The following ZNF385D variants were observed in gnomAD, a reference collection of about 807,000 sequenced individuals.
The protein encoded by ZNF385D is zinc finger protein 385D.
In ZNF385D, 15 loss-of-function variants were observed where a neutral mutation model predicts 35.8. That is an observed-to-expected ratio of 0.42 (90% CI 0.28 to 0.64). The LOEUF (loss-of-function observed/expected upper bound fraction) is 0.64, where lower values mean the gene tolerates loss of function less well. Ranked by LOEUF, ZNF385D falls within the 30% of genes least tolerant of loss-of-function variation. ZNF385D has a pLI of 0.23. For synonymous variants in ZNF385D, 212 were observed against 186.8 expected, an observed-to-expected ratio of 1.13 and a Z score of -1.10; for missense variants, 474 against 494.6, an observed-to-expected ratio of 0.96 and a Z score of 0.39.
chr3:21,737,203 G>C (rs1215902849), intron 1 of ZNF385D, among the ~76,000 whole-genome samples: 1 of 152,202 alleles, frequency 6.6e-6, no homozygotes, highest in Non-Finnish European at 1.5e-5. Flanking sequence ...GCCTCCTAAA[G>C]TGCTGGGACA....
At chr3:22,245,527 G>A (rs920749729) in intron 2 of ZNF385D, among the ~76,000 whole-genome samples, 6 of 151,002 alleles carry the variant, frequency 4.0e-5, no homozygotes, top group South Asian at 2.1e-4. Flanking sequence ...AGTAGGGAGC[G>A]CATTTCCTAT....
At chr3:22,316,339 C>T (rs1346602948) in intron 2 of ZNF385D, among the ~76,000 whole-genome samples, 2 of 152,162 alleles carry the variant, frequency 1.3e-5, no homozygotes, top group Non-Finnish European at 2.9e-5. Flanking sequence ...ACCACAATAA[C>T]GCTGTCTCAG....
At chr3:22,276,094 A>T (rs1334145600) in intron 2 of ZNF385D, among the ~76,000 whole-genome samples, 1 of 152,094 alleles carries the variant, frequency 6.6e-6, no homozygotes. Flanking sequence ...CAAAAAATAA[A>T]TAAAGAATCA....
intron 3 of ZNF385D, among the ~76,000 whole-genome samples, chr3:21,883,994 T>G (rs1698409743): frequency 6.6e-6 from 1 of 152,018 alleles, no homozygotes; most frequent in Non-Finnish European, 1.5e-5. Context: ...ATATCCTTAG[T>G]GTATGTTATG....
At chr3:22,033,078 G>C (rs1385827612) in intron 3 of ZNF385D, among the ~76,000 whole-genome samples, 1 of 152,092 alleles carries the variant, frequency 6.6e-6, no homozygotes, top group African/African-American at 2.4e-5. Flanking sequence ...AAGACATTTT[G>C]ATTCCATGCT....
At chr3:22,191,796 A>G (rs775178794) in intron 2 of ZNF385D, among the ~76,000 whole-genome samples, 3 of 152,164 alleles carry the variant, frequency 2.0e-5, no homozygotes, top group Admixed American at 6.6e-5. Flanking sequence ...TCAGTGAAGG[A>G]ATAAAATAAC....
chr3:21,947,708 A>G (rs1433734011), intron 3 of ZNF385D, among the ~76,000 whole-genome samples: 6 of 152,208 alleles, frequency 3.9e-5, no homozygotes, highest in African/African-American at 1.4e-4. Context: ...ATATCTCTAT[A>G]TGTATTAATC....
intron 3 of ZNF385D, among the ~76,000 whole-genome samples, chr3:22,004,218 A>G (rs1329406695): frequency 1.3e-5 from 2 of 152,154 alleles, no homozygotes; most frequent in African/African-American, 4.8e-5. Context: ...TCTTCAATAA[A>G]TGGTACTGGG....
intron 2 of ZNF385D, among the ~76,000 whole-genome samples, chr3:22,293,791 T>A (rs1702425525): frequency 6.6e-6 from 1 of 152,088 alleles, no homozygotes; most frequent in South Asian, 2.1e-4. Context: ...GAAAATAGGT[T>A]CTACTTGAAA....
chr3:22,312,635 A>G (rs1703630733), intron 2 of ZNF385D, among the ~76,000 whole-genome samples: 1 of 152,220 alleles, frequency 6.6e-6, no homozygotes, highest in African/African-American at 2.4e-5. Context: ...TTACGGAGCC[A>G]AAAACACATG....
chr3:22,114,342 T>C (rs142309829), intron 3 of ZNF385D, among the ~76,000 whole-genome samples: 1,804 of 152,256 alleles, frequency 0.012, 31 homozygotes, highest in African/African-American at 0.041. Context: ...AAACAGTCTG[T>C]ATTTGGTAAC....
intron 2 of ZNF385D, among the ~76,000 whole-genome samples, chr3:22,183,180 C>G (rs1695398559): frequency 6.6e-6 from 1 of 151,994 alleles, no homozygotes. Context: ...GTTAAGTTTA[C>G]ATATAGTATT....
intron 3 of ZNF385D, among the ~76,000 whole-genome samples, chr3:21,896,805 A>G (rs1393465961): frequency 1.4e-5 from 2 of 147,924 alleles, no homozygotes; most frequent in Non-Finnish European, 3.0e-5. Flanking sequence ...GTATTTCTCC[A>G]ATGTGTTCTT....
chr3:22,273,185 C>A (rs1222893320), intron 2 of ZNF385D, among the ~76,000 whole-genome samples: 2 of 151,964 alleles, frequency 1.3e-5, no homozygotes, highest in Non-Finnish European at 2.9e-5. Context: ...GGATATGACA[C>A]TAACTGGAAT....
chr3:22,086,422 C>T (rs544394100), intron 3 of ZNF385D, among the ~76,000 whole-genome samples: 177 of 152,052 alleles, frequency 1.2e-3, no homozygotes, highest in African/African-American at 4.2e-3. Flanking sequence ...GACAGAGAGC[C>T]AAATCATGAG....
chr3:22,300,804 T>G (rs935234636), intron 2 of ZNF385D, among the ~76,000 whole-genome samples: 3 of 151,876 alleles, frequency 2.0e-5, no homozygotes, highest in African/African-American at 7.2e-5. Context: ...GGTAATAACA[T>G]GGAAAAAAGG....
intron 1 of ZNF385D, among the ~76,000 whole-genome samples, chr3:21,702,222 T>C (rs2067715781): frequency 6.6e-6 from 1 of 152,212 alleles, no homozygotes; most frequent in African/African-American, 2.4e-5. Flanking sequence ...TCTAGCCGGA[T>C]TCCCAAACCT....
At chr3:21,582,455 T>A (rs1043275569) in intron 2 of ZNF385D, among the ~76,000 whole-genome samples, 1 of 152,156 alleles carries the variant, frequency 6.6e-6, no homozygotes, top group African/African-American at 2.4e-5. Flanking sequence ...AGTTCTCTCT[T>A]CTGCATATTT....
At chr3:22,031,843 G>C (rs376504612) in intron 3 of ZNF385D, among the ~76,000 whole-genome samples, 14 of 152,204 alleles carry the variant, frequency 9.2e-5, no homozygotes, top group Admixed American at 5.9e-4. Context: ...TTAAACATAA[G>C]TTCCAATTTC....
Sources: allele counts gnomAD v4.1 joint callset (sites outside exome capture counted in the v4.1 genomes callset), GRCh38; gene constraint gnomAD v4.1.1; transcripts MANE v1.5; gene names NCBI Gene and HGNC (gene_info 2026-07-23, HGNC 2026-07-21).